Variants in NAV3 observed in about 807,000 individuals in gnomAD.
NAV3 encodes the protein neuron navigator 3, also known as pore membrane and/or filament interacting like protein 1.
NAV3 carries 87 observed loss-of-function variants against 244.7 expected under a neutral mutation model. The ratio of observed to expected loss-of-function variants is 0.36; its 90% CI spans 0.30 to 0.42. NAV3 has a LOEUF of 0.42. Among genes scored for constraint, NAV3 ranks in the 20% least tolerant of loss-of-function variants. The pLI, the probability that NAV3 is intolerant of heterozygous loss-of-function variation, is 1.00. For missense variants in NAV3, 2,663 were observed against 2,893.3 expected, an observed-to-expected ratio of 0.92 and a Z score of 1.83; for synonymous variants, 1,126 against 1,042.2, an observed-to-expected ratio of 1.08 and a Z score of -1.55.
At chr12:77,637,655 G>T (rs1477282807) in intron 2 of NAV3, among the ~76,000 whole-genome samples, 1 of 152,090 alleles carries the variant, frequency 6.6e-6, no homozygotes. Context: ...TAAATAGCTA[G>T]CAAGTACAGC....
chr12:78,177,063 A>C, intron 26 of NAV3, 78 bp from the exon 27 acceptor site: 1 of 1,473,096 alleles, frequency 6.8e-7, no homozygotes, highest in Non-Finnish European at 9.4e-7. Context: ...CTAGGATGGC[A>C]TCTGCAAACT....
chr12:78,123,799 C>T (rs1955786615), intron 16 of NAV3, among the ~76,000 whole-genome samples: 1 of 152,072 alleles, frequency 6.6e-6, no homozygotes, highest in Admixed American at 6.6e-5. Context: ...CTGTTATATG[C>T]TATTATAGAC....
intron 8 of NAV3, among the ~76,000 whole-genome samples, chr12:78,014,835 C>A (rs981042353): frequency 1.3e-5 from 2 of 152,020 alleles, no homozygotes; most frequent in Non-Finnish European, 2.9e-5. Context: ...ACATAATATA[C>A]CACAGTAATG....
chr12:77,771,416 A>G (rs1471910386), intron 2 of NAV3, among the ~76,000 whole-genome samples: 10 of 152,162 alleles, frequency 6.6e-5, no homozygotes, highest in South Asian at 2.1e-4. Flanking sequence ...ATTACTGGGT[A>G]TATACCCAAA....
chr12:77,574,881 G>A (rs113927173), intron 2 of NAV3, among the ~76,000 whole-genome samples: 1 of 151,876 alleles, frequency 6.6e-6, no homozygotes. Flanking sequence ...TCAGGGATGA[G>A]GTTGGTCATT....
chr12:77,809,047 G>A (rs908283962), intron 2 of NAV3, among the ~76,000 whole-genome samples: 1 of 152,146 alleles, frequency 6.6e-6, no homozygotes, highest in Non-Finnish European at 1.5e-5. Context: ...ATCGCAGGTC[G>A]ACTTCAGAAT....
At chr12:78,192,943 AT>A (rs1328487826) in intron 34 of NAV3, among the ~76,000 whole-genome samples, 1 of 152,082 alleles carries the variant, frequency 6.6e-6, no homozygotes, top group Non-Finnish European at 1.5e-5. Context: ...GAGGATAAAT[AT>A]AAAAAAAGAG....
chr12:77,903,583 G>T (rs1056927048), intron 1 of NAV3, among the ~76,000 whole-genome samples: 1 of 152,146 alleles, frequency 6.6e-6, no homozygotes, highest in Non-Finnish European at 1.5e-5. Context: ...CATAGGCATG[G>T]ACAAGGACTT....
At chr12:77,657,014 C>G (rs1282406922) in intron 2 of NAV3, among the ~76,000 whole-genome samples, 1 of 152,032 alleles carries the variant, frequency 6.6e-6, no homozygotes, top group Non-Finnish European at 1.5e-5. Flanking sequence ...CAGGAAAGAT[C>G]CAAAATTGAC....
chr12:77,842,557 C>A (rs563685283), intron 1 of NAV3, among the ~76,000 whole-genome samples: 1 of 150,170 alleles, frequency 6.7e-6, no homozygotes, highest in East Asian at 1.9e-4. Context: ...GAGGCATTGG[C>A]GGGATACTAG....
At chr12:78,056,738 G>A (rs1243318467) in intron 11 of NAV3, among the ~76,000 whole-genome samples, 1 of 151,928 alleles carries the variant, frequency 6.6e-6, no homozygotes, top group Non-Finnish European at 1.5e-5. Flanking sequence ...CAAAAAAAAC[G>A]TATTTATGCT....
chr12:78,108,758 A>G (rs997762706), intron 12 of NAV3, among the ~76,000 whole-genome samples: 1 of 152,110 alleles, frequency 6.6e-6, no homozygotes, highest in African/African-American at 2.4e-5. Flanking sequence ...TCTTGTAACA[A>G]ATAAAGATTG....
chr12:77,624,989 G>T (rs1171170712), intron 2 of NAV3, among the ~76,000 whole-genome samples: 1 of 152,138 alleles, frequency 6.6e-6, no homozygotes, highest in Non-Finnish European at 1.5e-5. Flanking sequence ...AAAATAATCT[G>T]TGCAGCAAAC....
chr12:78,068,035 A>T (rs1566086717), intron 12 of NAV3, among the ~76,000 whole-genome samples: 1 of 152,042 alleles, frequency 6.6e-6, no homozygotes, highest in Non-Finnish European at 1.5e-5. Flanking sequence ...GAGAACGAAG[A>T]GGAGGAAGAG....
chr12:77,963,840 C>G (rs890759418), intron 3 of NAV3, among the ~76,000 whole-genome samples: 30 of 148,310 alleles, frequency 2.0e-4, no homozygotes, highest in African/African-American at 6.7e-4. Flanking sequence ...CCCTTCCTTC[C>G]TTCCTTCCTT....
At chr12:78,092,729 T>C (rs551738205) in intron 12 of NAV3, among the ~76,000 whole-genome samples, 1 of 152,206 alleles carries the variant, frequency 6.6e-6, no homozygotes, top group Admixed American at 6.5e-5. Context: ...CTCGATCTCC[T>C]GACCTTGTGA....
chr12:78,166,548 A>G (rs1038460586), intron 23 of NAV3, among the ~76,000 whole-genome samples: 5 of 151,732 alleles, frequency 3.3e-5, no homozygotes, highest in Non-Finnish European at 7.4e-5. Flanking sequence ...GTTATATAGC[A>G]TATATATTTC....
At chr12:78,043,158 C>A (rs1019188796) in intron 9 of NAV3, among the ~76,000 whole-genome samples, 3 of 152,082 alleles carry the variant, frequency 2.0e-5, no homozygotes, top group African/African-American at 7.2e-5. Context: ...TTGTTCAACT[C>A]CCACTTGTGA....
intron 2 of NAV3, among the ~76,000 whole-genome samples, chr12:77,699,183 G>A (rs934984164): frequency 1.3e-5 from 2 of 152,032 alleles, no homozygotes; most frequent in African/African-American, 2.4e-5. Flanking sequence ...TAGAAGACAC[G>A]CTGGCTGTCT....
Sources: allele counts gnomAD v4.1 joint callset (sites outside exome capture counted in the v4.1 genomes callset), GRCh38; gene constraint gnomAD v4.1.1; transcripts MANE v1.5; gene names NCBI Gene and HGNC (gene_info 2026-07-23, HGNC 2026-07-21).